FOXP1: variants seen among roughly 807,000 people sequenced by gnomAD.
FOXP1 encodes the protein forkhead box P1, also known as forkhead box protein P1.
A neutral mutation model predicts 98.2 loss-of-function variants in FOXP1; 15 were observed. The ratio of observed to expected loss-of-function variants is 0.15; its 90% CI spans 0.10 to 0.24. The LOEUF (loss-of-function observed/expected upper bound fraction) is 0.24. Among genes scored for constraint, FOXP1 ranks in the 10% least tolerant of loss-of-function variants. The probability of loss-of-function intolerance (pLI) is 1.00; values close to 1 mark genes in which losing one functional copy is unlikely to be tolerated. For missense variants in FOXP1, 633 were observed against 848.5 expected (o/e 0.75, Z 3.15); for synonymous variants, 371 against 314.5 (o/e 1.18, Z -1.90).
intron 5 of FOXP1, among the ~76,000 whole-genome samples, chr3:71,231,429 A>C (rs1186331764): frequency 6.6e-6 from 1 of 152,142 alleles, no homozygotes; most frequent in East Asian, 1.9e-4. Context: ...ACCTATAGCT[A>C]CCTTATAGGA....
chr3:71,164,471 T>C (rs1576144143), intron 6 of FOXP1, among the ~76,000 whole-genome samples: 1 of 152,268 alleles, frequency 6.6e-6, no homozygotes, highest in East Asian at 1.9e-4. Context: ...AGTGCTGGGA[T>C]TATAGGCGTG....
At chr3:71,428,913 T>C (rs2084413553) in intron 3 of FOXP1, among the ~76,000 whole-genome samples, 1 of 152,244 alleles carries the variant, frequency 6.6e-6, no homozygotes, top group African/African-American at 2.4e-5. Flanking sequence ...GGGGCTTTCC[T>C]GGCCCTGAGG....
intron 7 of FOXP1, among the ~76,000 whole-genome samples, chr3:71,082,949 C>T (rs1339875517): frequency 6.6e-6 from 1 of 152,210 alleles, no homozygotes; most frequent in Non-Finnish European, 1.5e-5. Context: ...CTTACTCCTC[C>T]ATCTTCTAAA....
chr3:71,339,497 G>C (rs1020388401), intron 4 of FOXP1, among the ~76,000 whole-genome samples: 2 of 152,158 alleles, frequency 1.3e-5, no homozygotes, highest in African/African-American at 4.8e-5. Flanking sequence ...ACTCTTCAGC[G>C]TATCAGTGTC....
chr3:71,187,312 G>A (rs993309229), intron 6 of FOXP1, among the ~76,000 whole-genome samples: 1 of 152,180 alleles, frequency 6.6e-6, no homozygotes, highest in African/African-American at 2.4e-5. Flanking sequence ...TGGGCTGGGG[G>A]TGGTGGCTTA....
At chr3:71,451,232 A>G (rs1560505195) in intron 3 of FOXP1, among the ~76,000 whole-genome samples, 1 of 152,172 alleles carries the variant, frequency 6.6e-6, no homozygotes, top group Non-Finnish European at 1.5e-5. Flanking sequence ...TCATTCACTT[A>G]CTGGCCGGCC....
intron 6 of FOXP1, among the ~76,000 whole-genome samples, chr3:71,135,764 A>G (rs1397348231): frequency 6.6e-6 from 1 of 152,176 alleles, no homozygotes; most frequent in Non-Finnish European, 1.5e-5. Flanking sequence ...GGGACTGTGG[A>G]AGTGATGGTT....
At chr3:71,201,335 T>C (rs1303158553) in intron 5 of FOXP1, among the ~76,000 whole-genome samples, 2 of 152,196 alleles carry the variant, frequency 1.3e-5, no homozygotes, top group Admixed American at 1.3e-4. Flanking sequence ...TCCACAAACT[T>C]GCCCCTTTGT....
intron 2 of FOXP1, among the ~76,000 whole-genome samples, chr3:71,542,799 G>C (rs922732555): frequency 2.6e-5 from 4 of 152,154 alleles, no homozygotes; most frequent in Non-Finnish European, 5.9e-5. Context: ...CATAAAACCC[G>C]GCCTGCCTGT....
At chr3:71,057,686 A>C (rs1443707562) in intron 7 of FOXP1, among the ~76,000 whole-genome samples, 1 of 152,156 alleles carries the variant, frequency 6.6e-6, no homozygotes, top group Non-Finnish European at 1.5e-5. Context: ...AAAAAAACGC[A>C]CACAGTTAAC....
In FOXP1 at chr3:71,015,611, T is replaced by C. The variant is rs764987696; in HGVS notation, c.912A>G (p.Gly304=). ...EEHPHSHPLY[G]HGVCKWPGCE... ...AGCCTGGCCACTTGCATACACCATGTCCATAGAGAGGATGGCTATGGGGGT... is the reference window on the plus strand; with the variant it reads ...AGCCTGGCCACTTGCATACACCATGCCCATAGAGAGGATGGCTATGGGGGT... The change falls in exon 12 of 21, where the codon GGA becomes GGG. Residue 304 remains glycine, a synonymous_variant. Coordinates refer to ENST00000649528, the MANE Select transcript of FOXP1 (RefSeq NM_001349338.3). 7.4e-6 allele frequency: 12 copies of C among 1,613,058 alleles called. No individual in the cohort carries two copies. The highest frequency in any genetic ancestry group is 1.0e-5 in the Non-Finnish European group (12 of 1,179,204).
At chr3:71,316,933 A>C (rs1324669201) in intron 4 of FOXP1, among the ~76,000 whole-genome samples, 1 of 152,064 alleles carries the variant, frequency 6.6e-6, no homozygotes, top group East Asian at 1.9e-4. Context: ...TGGGATTTCA[A>C]GCATGAGCCA....
intron 3 of FOXP1, among the ~76,000 whole-genome samples, chr3:71,423,684 G>A (rs2083850098): frequency 1.3e-5 from 2 of 152,354 alleles, no homozygotes; most frequent in South Asian, 2.1e-4. Context: ...AGGCTGGCCT[G>A]TGTGGATTTC....
At chr3:71,283,860 A>G (rs2071821794) in intron 5 of FOXP1, among the ~76,000 whole-genome samples, 1 of 152,202 alleles carries the variant, frequency 6.6e-6, no homozygotes, top group Admixed American at 6.5e-5. Context: ...TCAAAGTACC[A>G]TATTAGTCCT....
chr3:70,973,835 G>GCCCCCCCCCCCC (rs56950015), intron 17 of FOXP1, among the ~76,000 whole-genome samples: 43 of 36,722 alleles, frequency 1.2e-3, no homozygotes, highest in Non-Finnish European at 1.9e-3. Flanking sequence ...TTTGCACACC[G>GCCCCCCCCCCCC]CCCCCCCCCC....
intron 3 of FOXP1, among the ~76,000 whole-genome samples, chr3:71,394,039 A>G (rs1464427853): frequency 6.6e-6 from 1 of 152,196 alleles, no homozygotes; most frequent in Non-Finnish European, 1.5e-5. Flanking sequence ...GAGCAGAGCA[A>G]GAGTTTCTGA....
intron 2 of FOXP1, among the ~76,000 whole-genome samples, chr3:71,504,917 A>T (rs2041693746): frequency 6.6e-6 from 1 of 152,206 alleles, no homozygotes; most frequent in Non-Finnish European, 1.5e-5. Context: ...CTCTGTCCAT[A>T]GCATTTTCAT....
At chr3:71,236,157 C>G (rs2066754402) in intron 5 of FOXP1, among the ~76,000 whole-genome samples, 1 of 152,168 alleles carries the variant, frequency 6.6e-6, no homozygotes, top group South Asian at 2.1e-4. Flanking sequence ...TTACTGGCAT[C>G]CAGGTCACAA....
chr3:71,125,662 C>T (rs1463201614), intron 6 of FOXP1, among the ~76,000 whole-genome samples: 3 of 152,158 alleles, frequency 2.0e-5, no homozygotes, highest in Non-Finnish European at 2.9e-5. Context: ...TTTGAACTTC[C>T]AGTAACCATG....
Sources: allele counts gnomAD v4.1 joint callset (sites outside exome capture counted in the v4.1 genomes callset), GRCh38; gene constraint gnomAD v4.1.1; transcripts MANE v1.5; gene names NCBI Gene and HGNC (gene_info 2026-07-23, HGNC 2026-07-21).